MICAL1: variants seen among roughly 807,000 people sequenced by gnomAD.
MICAL1 encodes [F-actin]-monooxygenase MICAL1.
A neutral mutation model predicts 131.8 loss-of-function variants in MICAL1; 95 were observed. The observed-to-expected ratio is 0.72, with a 90% CI of 0.61 to 0.86. The LOEUF (loss-of-function observed/expected upper bound fraction) is 0.86, where lower values mean the gene tolerates loss of function less well. Among genes scored for constraint, MICAL1 ranks in the 40% least tolerant of loss-of-function variants. The pLI is 0.00. For missense variants in MICAL1, 1,292 were observed against 1,380.6 expected (o/e 0.94, Z 1.02); for synonymous variants, 546 against 554.2 (o/e 0.99, Z 0.21).
intron 1 of MICAL1, chr6:109,464,759 T>C (rs1054379911): frequency 1.3e-5 from 2 of 152,176 alleles, no homozygotes; most frequent in African/African-American, 4.8e-5. Context: ...TGAGCAATGA[T>C]TGTGCCACTA....
At chr6:109,450,152 T>C (rs1269490232) in intron 8 of MICAL1, 67 bp from the exon 9 acceptor site, 2 of 1,574,718 alleles carry the variant, frequency 1.3e-6, no homozygotes, top group African/African-American at 1.3e-5. Context: ...AGCCCAGATA[T>C]CCACCCAGGT....
chr6:109,456,391 C>T (rs371842141), upstream of MICAL1, among the ~76,000 whole-genome samples: 2 of 152,208 alleles, frequency 1.3e-5, no homozygotes, highest in Non-Finnish European at 2.9e-5. Flanking sequence ...GCAGAGTGCG[C>T]CTCCTGTGAC....
At chr6:109,458,366 C>CGGGCAGATCACCTGAGGT (rs1166405688), upstream of MICAL1, among the ~76,000 whole-genome samples, 5 of 152,022 alleles carry the variant, frequency 3.3e-5, no homozygotes, top group South Asian at 2.1e-4. Flanking sequence ...GAGGCTGAGG[C>CGGGCAGATCACCTGAGGT]GGGCAGATCA....
chr6:109,447,749 T>C, intron 14 of MICAL1, 27 bp from the exon 15 acceptor site: 2 of 1,613,990 alleles, frequency 1.2e-6, no homozygotes, highest in South Asian at 2.2e-5. Flanking sequence ...CAGCTCTAAG[T>C]GTGATGTTTT....
rs543241293 is a variant in MICAL1 at position 109,449,295 on chromosome 6, G to C, written c.1516+105C>G. The C allele has an allele frequency of 7.4e-5, 92 of 1,244,408 alleles. 2 individuals are homozygous for C. In the African/African-American group the frequency reaches 9.8e-4, roughly 13 times the overall value. 77.1% of individuals were successfully genotyped at this position (1,244,408 alleles called of 1,614,324 possible). ...CCCACCAGCCAACAATGAGTGCTCCGGCACGCTGCTCCTGTCCTGAGGCTG... is the reference window on the plus strand; with the variant it reads ...CCCACCAGCCAACAATGAGTGCTCCCGCACGCTGCTCCTGTCCTGAGGCTG... On this transcript the variant is annotated intron_variant, in intron 11 of 24. Transcript: ENST00000358807.
At chr6:109,446,670 T>C (rs1436532835) in intron 18 of MICAL1, 26 bp downstream of exon 18, 4 of 1,608,606 alleles carry the variant, frequency 2.5e-6, no homozygotes, top group Non-Finnish European at 3.4e-6. Flanking sequence ...CATGCCCCAA[T>C]ATACATACAC....
At position 109,447,710 on chromosome 6, in the gene MICAL1, C is replaced by G; in HGVS notation, c.1957G>C (p.Asp653His). Residue 653 changes from aspartate (D) to histidine (H), a missense_variant, in exon 15 of 25, where the codon GAT (aspartate) becomes CAT (histidine). Physicochemically the swap from Asp to His is moderately conservative, Grantham distance 81 (BLOSUM62 -1). Transcript: ENST00000358807. ...QRSRAKENAE[D>H]AGGKKLRLEM... is the part of the protein sequence containing the mutation. ...AAGCGCAGCTTCTTGCCACCAGCAT[C>G]CTCTGCATTTTCCTGCAATAAGTCC... 2 of 1,614,092 alleles carry G rather than the reference C, an allele frequency of 1.2e-6. No individual in the cohort carries two copies. The highest frequency in any genetic ancestry group is 2.2e-5 in the South Asian group (2 of 91,080).
Position 109,451,624 on chromosome 6 carries a change from C to T in MICAL1, c.909G>A (p.Leu303=), listed in dbSNP as rs1253115446. 2 of 1,613,952 alleles carry T rather than the reference C, an allele frequency of 1.2e-6. No individual in the cohort carries two copies. The highest frequency in any genetic ancestry group is 2.7e-5 in the African/African-American group (2 of 74,940). Residue 303 remains leucine, a synonymous_variant, in exon 7 of 25, where the codon CTG becomes CTA. Transcript: ENST00000358807. ...YFVMTAKKQC[L]LRLGVLRQDW... The stretch of plus-strand genomic sequence containing the variant: ...CCTGGCGCAGCACCCCCAGCCGCAG[C>T]AGGCACTGCTTCTTGGCTGTCATCA...
chr6:109,449,894 T>G (rs1775460786), intron 9 of MICAL1, 76 bp downstream of exon 9: 2 of 1,591,590 alleles, frequency 1.3e-6, no homozygotes, highest in Non-Finnish European at 1.7e-6. Flanking sequence ...GTCTATTCAC[T>G]CAGCACCCCT....
At chr6:109,460,382 T>C (rs1422505269), upstream of MICAL1, among the ~76,000 whole-genome samples, 1 of 143,110 alleles carries the variant, frequency 7.0e-6, no homozygotes, top group Non-Finnish European at 1.5e-5. Context: ...TGAGCCATGA[T>C]CATGCCACTG....
chr6:109,445,560 G>A, intron 20 of MICAL1, 31 bp from the exon 21 acceptor site: 1 of 1,610,662 alleles, frequency 6.2e-7, no homozygotes, highest in Non-Finnish European at 8.5e-7. Flanking sequence ...TCAGGGATAG[G>A]GCCTGGGCCC....
rs373999367 is a variant in MICAL1 at position 109,452,525 on chromosome 6, T to C, written c.662A>G (p.Lys221Arg). Residue 221 changes from lysine (K) to arginine (R), a missense_variant, in exon 5 of 25, where the codon AAA (lysine) becomes AGA (arginine). By Grantham distance (26) the Lys-to-Arg change is conservative. Transcript: ENST00000358807. ...FDVLISAAGG[K>R]FVPEGFKVRE... is the part of the protein sequence containing the mutation. ...TGATCACTCACCTTCAGGGACGAAT[T>C]TACCTCCTGCAGCCGAGATAAGGAC... The C allele has an allele frequency of 1.2e-5, 19 of 1,613,746 alleles. No individual in the cohort carries two copies. The Admixed American group carries it at 2.7e-4, about 23-fold the overall frequency.
In MICAL1 at chr6:109,447,377, G is replaced by T; in HGVS notation, c.2050C>A (p.Pro684Thr). 1 of 1,613,632 alleles carries T rather than the reference G, an allele frequency of 6.2e-7. No individual in the cohort carries two copies. ...CTCACCTCCTGGTGTTGGGATGGGG[G>T]TGTCAGGGGTACACCAGGCTCTGGG... ...PDPEPGVPLT[P>T]PSQHQEAGAG... The change falls in exon 16 of 25, where the codon CCC becomes ACC. Residue 684 changes from proline to threonine, a missense_variant. Pro to Thr is a conservative substitution (Grantham distance 38, BLOSUM62 -1). Coordinates refer to ENST00000358807, the MANE Select transcript of MICAL1 (RefSeq NM_022765.4).
Position 109,447,713 on chromosome 6 carries a change from C to T in MICAL1, c.1954G>A (p.Glu652Lys). Residue 652 changes from glutamate to lysine, a missense_variant, in exon 15 of 25, where the codon GAG becomes AAG. By Grantham distance (56) the Glu-to-Lys change is moderately conservative. Transcript: ENST00000358807. ...LQRSRAKENAEDAGGKKLRLE... is the reference protein window; with the variant it reads ...LQRSRAKENAKDAGGKKLRLE... Reference sequence around the variant, plus strand: ...CGCAGCTTCTTGCCACCAGCATCCTCTGCATTTTCCTGCAATAAGTCCTAA... The same window carrying T: ...CGCAGCTTCTTGCCACCAGCATCCTTTGCATTTTCCTGCAATAAGTCCTAA... 6.2e-7 allele frequency: 1 copy of T among 1,614,130 alleles called. No individual in the cohort carries two copies. Among genetic ancestry groups the T allele is most frequent in the Middle Eastern group, 1.6e-4 (1 of 6,062 alleles).
chr6:109,446,847 G>T, intron 17 of MICAL1, 75 bp from the exon 18 acceptor site: 2 of 1,421,306 alleles, frequency 1.4e-6, no homozygotes, highest in Non-Finnish European at 2.0e-6. Context: ...GTTTATGAAG[G>T]AAGGTGGGGA....
intron 1 of MICAL1, chr6:109,462,940 CATGAG>C (rs1775926327): frequency 6.6e-6 from 1 of 152,222 alleles, no homozygotes; most frequent in Admixed American, 6.5e-5. Flanking sequence ...CTCAAGGACA[CATGAG>C]AAGTACTTTC....
chr6:109,462,770 A>G (rs1429651045), intron 1 of MICAL1: 1 of 152,192 alleles, frequency 6.6e-6, no homozygotes, highest in Non-Finnish European at 1.5e-5. Flanking sequence ...TCTGGGAGAA[A>G]ACCAAAGATT....
At chr6:109,450,647 C>G (rs1190052477) in intron 7 of MICAL1, 90 bp from the exon 8 acceptor site, 4 of 1,426,066 alleles carry the variant, frequency 2.8e-6, no homozygotes, top group Non-Finnish European at 3.7e-6. Context: ...AGGTGCACAT[C>G]CTGGGGCCCA....
rs1419292205 is a variant in MICAL1 at position 109,455,741 on chromosome 6, G to C, written c.-66C>G. On this transcript the variant is annotated 5_prime_UTR_variant, in exon 1 of 25. Coordinates refer to ENST00000358807, the MANE Select transcript of MICAL1 (RefSeq NM_022765.4). This position sits in a 1 kb window ranked among gnomAD's most constrained non-coding sequence, Gnocchi z 4.7. ...TACCGGCGGCTCCGAAGCCGGGAGGGGCCGCTTCCTGTTGGGCTGGCAACC... is the reference window on the plus strand; with the variant it reads ...TACCGGCGGCTCCGAAGCCGGGAGGCGCCGCTTCCTGTTGGGCTGGCAACC... 1.0e-6 allele frequency: 1 copy of C among 983,634 alleles called. No homozygotes were observed. Among genetic ancestry groups the C allele is most frequent in the East Asian group, 1.2e-4 (1 of 8,568 alleles). 60.9% of individuals were successfully genotyped at this position (983,634 alleles called of 1,614,324 possible). A position where few individuals can be genotyped will look rare whatever the true frequency, so the allele number is the denominator to read the frequency against.
Sources: allele counts gnomAD v4.1 joint callset (sites outside exome capture counted in the v4.1 genomes callset), GRCh38; gene constraint gnomAD v4.1.1; non-coding constraint Gnocchi (gnomAD v3.1); transcripts MANE v1.5; gene names NCBI Gene and HGNC (gene_info 2026-07-23, HGNC 2026-07-21).